The following KALRN variants were observed in gnomAD, a reference collection of about 807,000 sequenced individuals.
The protein encoded by KALRN is kalirin.
A neutral mutation model predicts 353.7 loss-of-function variants in KALRN; 70 were observed. The ratio of observed to expected loss-of-function variants is 0.20; its 90% confidence interval spans 0.16 to 0.24. The LOEUF is 0.24. Among genes scored for constraint, KALRN ranks in the 10% least tolerant of loss-of-function variants. KALRN has a pLI of 1.00. For missense variants in KALRN, 2,791 were observed against 3,756.7 expected (o/e 0.74, Z 6.72); for synonymous variants, 1,391 against 1,434.8 (o/e 0.97, Z 0.69).
At chr3:124,501,721 C>A (rs1241289645) in intron 33 of KALRN, among the ~76,000 whole-genome samples, 1 of 152,158 alleles carries the variant, frequency 6.6e-6, no homozygotes, top group Non-Finnish European at 1.5e-5. Context: ...AGAGGAACCA[C>A]TCCCTGCACC....
intron 32 of KALRN, among the ~76,000 whole-genome samples, chr3:124,495,957 G>GTGTGTATATATATA (rs1377097482): frequency 1.6e-4 from 7 of 44,220 alleles, no homozygotes; most frequent in Non-Finnish European, 2.6e-4. Flanking sequence ...GTGTGTATGT[G>GTGTGTATATATATA]TATGTATGTA....
At chr3:124,195,915 A>C (rs2075379764) in intron 1 of KALRN, among the ~76,000 whole-genome samples, 1 of 152,168 alleles carries the variant, frequency 6.6e-6, no homozygotes, top group Non-Finnish European at 1.5e-5. Context: ...TTGCTTTGGG[A>C]GAAGGAAGAA....
chr3:124,370,881 G>A (rs914097820), intron 10 of KALRN, among the ~76,000 whole-genome samples: 14 of 152,184 alleles, frequency 9.2e-5, no homozygotes, highest in African/African-American at 2.4e-4. Context: ...AGGCATGAAC[G>A]AGATTAATTT....
At position 124,674,528 on chromosome 3, in the gene KALRN, C is replaced by T. The variant is rs766239063; in HGVS notation, c.7107C>T (p.Ser2369=). The T allele has an allele frequency of 6.2e-7, 1 of 1,613,810 alleles. No individual in the cohort carries two copies. Among genetic ancestry groups the T allele is most frequent in the Non-Finnish European group, 8.5e-7 (1 of 1,179,918 alleles). The stretch of plus-strand genomic sequence containing the variant: ...TGTACCAGCCTGCCAGCGACCATTC[C>T]CCCGCCGCCGAGGGCTGGGTCCCAG... The part of the protein sequence containing the change: ...CLVYQPASDH[S]PAAEGWVPGS... Residue 2369 remains serine (S), a synonymous_variant, in exon 49 of 60, where the codon TCC becomes TCT. Transcript: ENST00000682506.
chr3:124,490,516 A>C (rs999434261), intron 29 of KALRN, among the ~76,000 whole-genome samples, 178 bp from the exon 30 acceptor site: 1 of 152,090 alleles, frequency 6.6e-6, no homozygotes, highest in South Asian at 2.1e-4. Context: ...TCTAATTGCA[A>C]TTCTCAGAGA....
intron 1 of KALRN, among the ~76,000 whole-genome samples, chr3:124,205,151 G>C (rs2076304749): frequency 6.6e-6 from 1 of 152,192 alleles, no homozygotes; most frequent in Non-Finnish European, 1.5e-5. Flanking sequence ...AATGTTTCCA[G>C]GGAAGAATAA....
chr3:124,361,910 T>C (rs1291584739), intron 10 of KALRN, among the ~76,000 whole-genome samples: 1 of 151,716 alleles, frequency 6.6e-6, no homozygotes, highest in Non-Finnish European at 1.5e-5. Context: ...ATTTGTAGCC[T>C]CTTTCTTCCT....
At chr3:124,668,260 A>G (rs1383724877) in intron 47 of KALRN, among the ~76,000 whole-genome samples, 3 of 152,172 alleles carry the variant, frequency 2.0e-5, no homozygotes, top group Non-Finnish European at 2.9e-5. Flanking sequence ...GACTCTTTCA[A>G]ATGATCCAAA....
At chr3:124,640,288 T>TTC (rs2091853868) in intron 37 of KALRN, among the ~76,000 whole-genome samples, 1 of 113,454 alleles carries the variant, frequency 8.8e-6, no homozygotes, top group East Asian at 2.1e-4. Flanking sequence ...CTTTCTTTCT[T>TTC]TTTTTTTTTT....
intron 34 of KALRN, among the ~76,000 whole-genome samples, chr3:124,580,180 G>A (rs187212538): frequency 2.0e-5 from 3 of 152,366 alleles, no homozygotes; most frequent in Admixed American, 1.3e-4. Flanking sequence ...TGGGAATGGA[G>A]CCTAATAATC....
At chr3:124,647,221 T>G (rs1037561706) in intron 37 of KALRN, among the ~76,000 whole-genome samples, 2 of 152,162 alleles carry the variant, frequency 1.3e-5, no homozygotes, top group African/African-American at 4.8e-5. Flanking sequence ...CTCTACTTCT[T>G]AATACCATGC....
intron 34 of KALRN, among the ~76,000 whole-genome samples, chr3:124,602,777 T>C (rs932629321): frequency 2.6e-5 from 4 of 152,152 alleles, no homozygotes; most frequent in African/African-American, 4.8e-5. Context: ...GACTGTAGCA[T>C]CCTTAGGTCT....
intron 1 of KALRN, among the ~76,000 whole-genome samples, chr3:124,135,579 T>C (rs773516461): frequency 2.0e-5 from 3 of 151,890 alleles, no homozygotes; most frequent in Admixed American, 6.6e-5. Flanking sequence ...GTGTTAGAGG[T>C]CTGGGGTCTG....
intron 6 of KALRN, among the ~76,000 whole-genome samples, chr3:124,321,720 G>A (rs1224524317): frequency 6.6e-6 from 1 of 152,196 alleles, no homozygotes; most frequent in African/African-American, 2.4e-5. Flanking sequence ...CGGTTTTTGA[G>A]TTATCGAGAT....
intron 22 of KALRN, 101 bp from the exon 23 acceptor site, chr3:124,456,509 C>G: frequency 1.4e-6 from 1 of 715,098 alleles, no homozygotes; most frequent in East Asian, 2.7e-5. Flanking sequence ...TTATCCTTCT[C>G]CATTATATCT....
Position 124,632,565 on chromosome 3 carries a change from T to C in KALRN, c.5328T>C (p.Pro1776=). The change falls in exon 35 of 60, where the codon CCT becomes CCC. Residue 1776 remains proline, a synonymous_variant. Coordinates refer to ENST00000682506, the MANE Select transcript of KALRN (RefSeq NM_001388419.1). ...CTCTTAAGAAGTGGCTGACGAGTCC[T>C]GTGCGTCGGCTTAACAGCGGGAAGG... ...TNTLKKWLTS[P]VRRLNSGKAD... 6 of 1,614,214 alleles carry C rather than the reference T, an allele frequency of 3.7e-6. No homozygotes were observed. Among genetic ancestry groups the C allele is most frequent in the Non-Finnish European group, 5.1e-6 (6 of 1,180,036 alleles).
chr3:124,610,666 A>G (rs904502773), intron 34 of KALRN, among the ~76,000 whole-genome samples: 16 of 152,108 alleles, frequency 1.1e-4, no homozygotes, highest in African/African-American at 2.9e-4. Flanking sequence ...AGGATCAGCA[A>G]TACCCCAGAT....
intron 15 of KALRN, among the ~76,000 whole-genome samples, chr3:124,428,561 C>T (rs1250561772): frequency 1.3e-5 from 2 of 152,174 alleles, no homozygotes; most frequent in African/African-American, 2.4e-5. Flanking sequence ...AGTTCTATGT[C>T]CAGGACTGAC....
intron 48 of KALRN, among the ~76,000 whole-genome samples, chr3:124,673,431 T>C (rs2086733969): frequency 6.8e-6 from 1 of 147,954 alleles, no homozygotes; most frequent in Admixed American, 6.8e-5. Flanking sequence ...ATGTATATCC[T>C]GTATGTATAT....
Sources: gnomAD v4.1 joint callset for allele counts (sites outside exome capture counted in the v4.1 genomes callset) on GRCh38, gnomAD v4.1.1 for gene constraint, MANE v1.5 for transcripts, NCBI Gene and HGNC (gene_info 2026-07-23, HGNC 2026-07-21) for gene names.